The following CCDC3 variants were observed in gnomAD, a reference collection of about 807,000 sequenced individuals.
CCDC3 encodes the protein coiled-coil domain-containing protein 3.
A neutral mutation model predicts 21.4 loss-of-function variants in CCDC3; 24 were observed. The ratio of observed to expected loss-of-function variants is 1.12; its 90% CI spans 0.81 to 1.58. The LOEUF is 1.58. Among genes scored for constraint, CCDC3 ranks in the 40% most tolerant of loss-of-function variants. CCDC3 has a pLI of 0.00. For missense variants in CCDC3, 425 were observed against 360.9 expected (o/e 1.18, Z -1.44); for synonymous variants, 186 against 166.0 (o/e 1.12, Z -0.93).
At chr10:12,982,057 G>A (rs1343271483) in intron 2 of CCDC3, among the ~76,000 whole-genome samples, 2 of 139,562 alleles carry the variant, frequency 1.4e-5, no homozygotes, top group South Asian at 2.5e-4. Context: ...GGGAGGCAGA[G>A]GTTGCAGTGA....
At chr10:12,965,211 T>C (rs2131260221) in intron 2 of CCDC3, among the ~76,000 whole-genome samples, 1 of 152,312 alleles carries the variant, frequency 6.6e-6, no homozygotes, top group Non-Finnish European at 1.5e-5. Flanking sequence ...AAAGAGGGTA[T>C]ATAACCTTCT....
chr10:13,058,527 C>A, intron 4 of CCDC3: 2 of 737,802 alleles, frequency 2.7e-6, no homozygotes, highest in Non-Finnish European at 5.0e-6. Flanking sequence ...AAACTATCAT[C>A]CTGTATTTGG....
At chr10:12,916,179 G>A (rs563370369) in intron 2 of CCDC3, among the ~76,000 whole-genome samples, 8 of 152,252 alleles carry the variant, frequency 5.3e-5, no homozygotes, top group East Asian at 3.9e-4. Flanking sequence ...CACGCCTGAA[G>A]TCCCAGCACT....
intron 2 of CCDC3, among the ~76,000 whole-genome samples, chr10:12,906,364 G>A (rs1297070121): frequency 2.0e-5 from 3 of 152,190 alleles, no homozygotes; most frequent in Non-Finnish European, 4.4e-5. Context: ...GGCGGGAGGG[G>A]AGGCAAATGA....
chr10:13,034,275 AG>A (rs958174225), intron 5 of CCDC3, among the ~76,000 whole-genome samples: 78 of 137,312 alleles, frequency 5.7e-4, no homozygotes, highest in African/African-American at 2.1e-3. Context: ...TCTCACTCAT[AG>A]GTGGGAATTG....
chr10:12,962,354 T>C (rs1026202378), intron 2 of CCDC3, among the ~76,000 whole-genome samples: 4 of 152,156 alleles, frequency 2.6e-5, no homozygotes, highest in African/African-American at 4.8e-5. Context: ...CCTGTAATCC[T>C]AGCACTTTGG....
At chr10:12,956,440 C>T (rs1248727404) in intron 2 of CCDC3, among the ~76,000 whole-genome samples, 1 of 152,202 alleles carries the variant, frequency 6.6e-6, no homozygotes. Flanking sequence ...CTAATGGCTG[C>T]TCCCTGCTCC....
At chr10:12,919,366 G>A (rs550083620) in intron 2 of CCDC3, among the ~76,000 whole-genome samples, 1 of 152,142 alleles carries the variant, frequency 6.6e-6, no homozygotes, top group South Asian at 2.1e-4. Flanking sequence ...GAGGCCGGCG[G>A]ATCACTTGAG....
Position 12,940,842 on chromosome 10 carries a change from A to G in CCDC3, c.550-42163T>C, listed in dbSNP as rs75842157. Among the ~76,000 whole-genome samples, 436 of 152,312 alleles carry G rather than the reference A, an allele frequency of 2.9e-3. 7 individuals carry two copies. The highest frequency in any genetic ancestry group is 0.021 in the Admixed American group (324 of 15,304). ...GGAAGAACCTGACAAGATGCTGGGA[A>G]GGGGATCTGTGGACTTGACAAGGCT... On this transcript the variant is annotated intron_variant, in intron 2 of 2. Transcript: ENST00000378825.
At chr10:12,934,566 A>C (rs1834704675) in intron 2 of CCDC3, among the ~76,000 whole-genome samples, 1 of 152,194 alleles carries the variant, frequency 6.6e-6, no homozygotes, top group Non-Finnish European at 1.5e-5. Flanking sequence ...CAACTATGAT[A>C]GTAAACTCAT....
chr10:13,009,623 G>C (rs1348105167), intron 5 of CCDC3, among the ~76,000 whole-genome samples: 1 of 152,100 alleles, frequency 6.6e-6, no homozygotes, highest in Non-Finnish European at 1.5e-5. Flanking sequence ...TAAATATATA[G>C]ATAACTGATT....
At chr10:13,036,673 T>C (rs548091730) in intron 5 of CCDC3, among the ~76,000 whole-genome samples, 6 of 151,756 alleles carry the variant, frequency 4.0e-5, no homozygotes, top group African/African-American at 1.4e-4. Context: ...TTAGTAGAGA[T>C]GGGGTTTCAC....
intron 5 of CCDC3, among the ~76,000 whole-genome samples, chr10:13,012,267 T>C (rs555145706): frequency 1.7e-4 from 26 of 152,230 alleles, no homozygotes; most frequent in African/African-American, 6.3e-4. Flanking sequence ...ACCTACAGAT[T>C]GGGAGAAAAT....
intron 2 of CCDC3, among the ~76,000 whole-genome samples, chr10:12,904,229 G>A (rs1326188586): frequency 1.3e-5 from 2 of 152,046 alleles, no homozygotes. Context: ...CACTTTGCGA[G>A]GCTGAGGTGG....
At chr10:12,933,552 G>A (rs76816495) in intron 2 of CCDC3, among the ~76,000 whole-genome samples, 2 of 151,252 alleles carry the variant, frequency 1.3e-5, no homozygotes, top group Admixed American at 1.3e-4. Flanking sequence ...CTGCCTTCTG[G>A]GTTCAAGAGA....
At chr10:13,044,486 A>C (rs561401002) in intron 5 of CCDC3, among the ~76,000 whole-genome samples, 1 of 152,296 alleles carries the variant, frequency 6.6e-6, no homozygotes, top group East Asian at 1.9e-4. Context: ...TTAAGGTCTT[A>C]CGTTTAAATC....
chr10:12,979,356 C>G (rs1835463074), intron 2 of CCDC3, among the ~76,000 whole-genome samples: 1 of 151,686 alleles, frequency 6.6e-6, no homozygotes, highest in Non-Finnish European at 1.5e-5. Flanking sequence ...CCTGCTTGTT[C>G]TTTCCCTTTC....
At chr10:12,948,574 CTCTT>C (rs758714705) in intron 2 of CCDC3, among the ~76,000 whole-genome samples, 38 of 152,116 alleles carry the variant, frequency 2.5e-4, no homozygotes, top group South Asian at 1.5e-3. Context: ...AAAAGTGTAT[CTCTT>C]TCTTCAACTC....
At chr10:12,914,097 G>A (rs923308980) in intron 2 of CCDC3, among the ~76,000 whole-genome samples, 1 of 152,048 alleles carries the variant, frequency 6.6e-6, no homozygotes, top group African/African-American at 2.4e-5. Flanking sequence ...TGCCATGTAC[G>A]GTGAGTTTGG....
Sources: allele counts gnomAD v4.1 joint callset (sites outside exome capture counted in the v4.1 genomes callset), GRCh38; gene constraint gnomAD v4.1.1; transcripts MANE v1.5; gene names NCBI Gene and HGNC (gene_info 2026-07-23, HGNC 2026-07-21).